Variants in CRACD observed in about 807,000 individuals in gnomAD.
CRACD encodes the protein capping protein inhibiting regulator of actin dynamics.
CRACD carries 56 observed loss-of-function variants against 106.8 expected under a neutral mutation model. The ratio of observed to expected loss-of-function variants is 0.52; its 90% CI spans 0.42 to 0.66. CRACD has a LOEUF of 0.66. Among genes scored for constraint, CRACD ranks in the 30% least tolerant of loss-of-function variants. The pLI is 0.00. For synonymous variants in CRACD, 754 were observed against 670.8 expected, an observed-to-expected ratio of 1.12 and a Z score of -1.92; for missense variants, 1,730 against 1,623.2, an observed-to-expected ratio of 1.07 and a Z score of -1.13.
chr4:56,197,466 A>C (rs1737663567), intron 2 of CRACD, among the ~76,000 whole-genome samples: 1 of 152,148 alleles, frequency 6.6e-6, no homozygotes, highest in Non-Finnish European at 1.5e-5. Context: ...AGCTAGGAAG[A>C]CATTCTCAAC....
rs772196808 is a variant in CRACD, at chr4:56,298,223, C to T, written c.-7C>T. 2 of 1,613,354 alleles carry T rather than the reference C, an allele frequency of 1.2e-6. No individual in the cohort carries two copies. The highest frequency in any genetic ancestry group is 2.2e-5 in the East Asian group (1 of 44,882). On this transcript the variant is annotated 5_prime_UTR_variant, in exon 4 of 11. Coordinates refer to ENST00000682029, the MANE Select transcript of CRACD (RefSeq NM_001393381.1). Reference sequence around the variant, plus strand: ...ATGATTTACCTTCCAGGTCCTTCAACTATTCTATGGGAACCCGGGCATTTT... The same window carrying T: ...ATGATTTACCTTCCAGGTCCTTCAATTATTCTATGGGAACCCGGGCATTTT...
intron 1 of CRACD, among the ~76,000 whole-genome samples, chr4:56,072,005 G>A (rs1162371336): frequency 1.3e-5 from 2 of 151,744 alleles, no homozygotes; most frequent in African/African-American, 4.8e-5. Context: ...GCGGGCGCCT[G>A]TAGTCCCAGC....
chr4:56,216,532 C>A (rs1294393948), intron 2 of CRACD, among the ~76,000 whole-genome samples: 2 of 152,234 alleles, frequency 1.3e-5, no homozygotes, highest in Admixed American at 6.5e-5. Context: ...AACTTCCGAT[C>A]TATTCAAGAC....
chr4:56,228,375 T>C (rs1240058832), intron 2 of CRACD, among the ~76,000 whole-genome samples: 1 of 152,140 alleles, frequency 6.6e-6, no homozygotes, highest in East Asian at 1.9e-4. Context: ...TTGAGTACAA[T>C]TAAATGTTAA....
At chr4:56,050,542 AAC>A (rs1731841129) in intron 1 of CRACD, among the ~76,000 whole-genome samples, 1 of 152,164 alleles carries the variant, frequency 6.6e-6, no homozygotes, top group Non-Finnish European at 1.5e-5. Context: ...ATCTGAATAA[AAC>A]AGTCAGTTTT....
intron 1 of CRACD, among the ~76,000 whole-genome samples, chr4:56,105,183 A>C (rs960016471): frequency 1.3e-5 from 2 of 152,114 alleles, no homozygotes; most frequent in African/African-American, 2.4e-5. Flanking sequence ...TATAAATTCA[A>C]TCTGTTCTCA....
intron 2 of CRACD, among the ~76,000 whole-genome samples, chr4:56,190,600 A>G (rs921766733): frequency 2.6e-5 from 4 of 152,202 alleles, no homozygotes; most frequent in Non-Finnish European, 4.4e-5. Context: ...TCATGCTGAT[A>G]TAAGAGGTGG....
intron 1 of CRACD, among the ~76,000 whole-genome samples, chr4:56,073,744 T>C (rs1201969024): frequency 6.6e-6 from 1 of 151,944 alleles, no homozygotes; most frequent in Non-Finnish European, 1.5e-5. Context: ...TTTGTTGCCA[T>C]TGCTTTTGGT....
At chr4:56,192,408 G>T (rs910714826) in intron 2 of CRACD, among the ~76,000 whole-genome samples, 102 of 150,842 alleles carry the variant, frequency 6.8e-4, no homozygotes, top group African/African-American at 2.4e-3. Flanking sequence ...AAAAAAAAAA[G>T]AAAGTATACT....
chr4:56,314,433 C>A lies in CRACD; in HGVS notation c.931C>A (p.Arg311Ser). The A allele has an allele frequency of 3.9e-6, 6 of 1,540,508 alleles. No homozygotes were observed. Among genetic ancestry groups the A allele is most frequent in the Non-Finnish European group, 5.3e-6 (6 of 1,141,944 alleles). The change falls in exon 8 of 11, where the codon CGC becomes AGC. Residue 311 changes from arginine to serine, a missense_variant. Physicochemically the swap from Arg to Ser is moderately radical, Grantham distance 110. Transcript: ENST00000682029. The surrounding 1 kb of genome is among the most constrained non-coding windows in gnomAD (Gnocchi z 4.4). ...EDAERREREE[R>S]ERLEAEEERR... is the part of the protein sequence containing the mutation. The stretch of plus-strand genomic sequence containing the variant: ...CGCGGAGCGGAGGGAGCGTGAGGAG[C>A]GCGAGCGCCTGGAGGCGGAGGAGGA...
rs80177185 is a variant in CRACD, at chr4:56,061,537, T to C, written c.-336+12238T>C. ...GTTATCTAGTTGGCCAGTAAACAGATGACAGTAATTTCCATGTCACTCTGC... is the reference window on the plus strand; with the variant it reads ...GTTATCTAGTTGGCCAGTAAACAGACGACAGTAATTTCCATGTCACTCTGC... On this transcript the variant is annotated intron_variant, in intron 1 of 10. Coordinates refer to ENST00000682029, the MANE Select transcript of CRACD (RefSeq NM_001393381.1). 9.4e-3 allele frequency among the ~76,000 whole-genome samples: 1,433 copies of C among 152,078 alleles called. 21 individuals carry two copies. Among genetic ancestry groups the C allele is most frequent in the African/African-American group, 0.032 (1,324 of 41,484 alleles).
chr4:56,059,103 G>T (rs1319982730), intron 1 of CRACD, among the ~76,000 whole-genome samples: 1 of 152,032 alleles, frequency 6.6e-6, no homozygotes, highest in Non-Finnish European at 1.5e-5. Flanking sequence ...TTACCTTCAA[G>T]CAGGCAAAAT....
chr4:56,179,352 G>T lies in CRACD; in HGVS notation c.-267G>T. 6.6e-6 allele frequency: 1 copy of T among 152,088 alleles called. No homozygotes were observed. The highest frequency in any genetic ancestry group is 1.9e-4 in the East Asian group (1 of 5,188). The allele number at this position is 152,088 out of a possible 1,614,324, so 9.4% of individuals were successfully genotyped here. The stretch of plus-strand genomic sequence containing the variant: ...CATTTCCTGACATTTACAGCTGAAG[G>T]TGAAGTTTCCCTTTTGCAAGGAGAA... On this transcript the variant is annotated 5_prime_UTR_variant, in exon 2 of 11. Transcript: ENST00000682029.
chr4:56,269,288 C>T (rs1219712532), intron 2 of CRACD, among the ~76,000 whole-genome samples: 1 of 151,960 alleles, frequency 6.6e-6, no homozygotes, highest in Non-Finnish European at 1.5e-5. Context: ...GAGGCTGAGG[C>T]ATGAGAATTG....
intron 2 of CRACD, among the ~76,000 whole-genome samples, chr4:56,241,443 G>A (rs895747242): frequency 6.6e-6 from 1 of 152,010 alleles, no homozygotes; most frequent in Non-Finnish European, 1.5e-5. Flanking sequence ...CAACTAGGGT[G>A]AATTACCCCT....
intron 1 of CRACD, among the ~76,000 whole-genome samples, chr4:56,075,931 C>T (rs1732825606): frequency 6.6e-6 from 1 of 152,044 alleles, no homozygotes; most frequent in South Asian, 2.1e-4. Context: ...CTTACTGTAA[C>T]CCCAAAGAGA....
chr4:56,208,516 T>A (rs924350944), intron 2 of CRACD, among the ~76,000 whole-genome samples: 3 of 152,186 alleles, frequency 2.0e-5, no homozygotes, highest in African/African-American at 4.8e-5. Flanking sequence ...GAGAATCTAT[T>A]ATTAGGTACA....
intron 4 of CRACD, among the ~76,000 whole-genome samples, chr4:56,302,916 A>C (rs1245959437): frequency 1.3e-5 from 2 of 152,220 alleles, no homozygotes; most frequent in Admixed American, 1.3e-4. Context: ...AATTTGAATG[A>C]ATAAAATATA....
intron 1 of CRACD, among the ~76,000 whole-genome samples, chr4:56,119,918 C>G (rs538503967): frequency 3.9e-5 from 6 of 152,362 alleles, no homozygotes; most frequent in African/African-American, 1.4e-4. Flanking sequence ...CTCCAAAACA[C>G]AAGCATTGTT....
Sources: gnomAD v4.1 joint callset for allele counts (sites outside exome capture counted in the v4.1 genomes callset) on GRCh38, gnomAD v4.1.1 for gene constraint, Gnocchi (gnomAD v3.1) non-coding constraint, MANE v1.5 for transcripts, NCBI Gene and HGNC (gene_info 2026-07-23, HGNC 2026-07-21) for gene names.